The following GRM5 variants were observed in gnomAD, a reference collection of about 807,000 sequenced individuals.
The protein encoded by GRM5 is glutamate metabotropic receptor 5.
Under a neutral mutation model 83.1 loss-of-function variants are expected in GRM5, and 19 were observed. The observed-to-expected ratio is 0.23, with a 90% CI of 0.16 to 0.34. The LOEUF (loss-of-function observed/expected upper bound fraction) is 0.34, where lower values mean the gene tolerates loss of function less well. Ranked by LOEUF, GRM5 falls within the 10% of genes least tolerant of loss-of-function variation. GRM5 has a pLI of 1.00. For missense variants in GRM5, 1,160 were observed against 1,588.3 expected, an observed-to-expected ratio of 0.73 and a Z score of 4.58; for synonymous variants, 675 against 633.6, an observed-to-expected ratio of 1.07 and a Z score of -0.98.
intron 2 of GRM5, among the ~76,000 whole-genome samples, chr11:88,944,092 GA>G (rs1445100442): frequency 1.3e-5 from 2 of 152,002 alleles, no homozygotes; most frequent in Non-Finnish European, 2.9e-5. Context: ...CATCTTGAAG[GA>G]TAAGTTGGTT....
rs112983279 is a variant in GRM5, at chr11:88,987,202, G to T, written c.661+60010C>A. Reference sequence around the variant, plus strand: ...TGAGGCATTGCCTCACTCGGGAAGTGCAAGGGGTCAGGGATTTCCCTTTCC... The same window carrying T: ...TGAGGCATTGCCTCACTCGGGAAGTTCAAGGGGTCAGGGATTTCCCTTTCC... On this transcript the variant is annotated intron_variant, in intron 2 of 9. Transcript: ENST00000305447. Among the ~76,000 whole-genome samples, 362 of 152,234 alleles carry T rather than the reference G, an allele frequency of 2.4e-3. 1 individual carries two copies. Among genetic ancestry groups the T allele is most frequent in the African/African-American group, 7.9e-3 (328 of 41,560 alleles).
intron 8 of GRM5, among the ~76,000 whole-genome samples, chr11:88,549,553 A>G (rs1942458858): frequency 6.6e-6 from 1 of 152,070 alleles, no homozygotes; most frequent in Non-Finnish European, 1.5e-5. Flanking sequence ...TGGGAACTAT[A>G]TGCAGTTTGG....
Position 89,047,457 on chromosome 11 carries a change from G to A in GRM5, c.416C>T (p.Ser139Phe). The change falls in exon 2 of 10, where the codon TCC becomes TTC. Residue 139 changes from serine to phenylalanine, a missense_variant. Physicochemically the swap from Ser to Phe is radical, Grantham distance 155. Coordinates refer to ENST00000305447, the MANE Select transcript of GRM5 (RefSeq NM_001143831.3). The surrounding 1 kb of genome is among the most constrained non-coding windows in gnomAD (Gnocchi z 5.1). ...CVDGSSSSFR[S>F]KKPIVGVIGP... Reference sequence around the variant, plus strand: ...AATGACCCCTACTATGGGCTTCTTGGAGCGGAAGGAAGAGGAGGAGCCATC... The same window carrying A: ...AATGACCCCTACTATGGGCTTCTTGAAGCGGAAGGAAGAGGAGGAGCCATC... 1 of 1,614,170 alleles carries A rather than the reference G, an allele frequency of 6.2e-7. No homozygotes were observed. The highest frequency in any genetic ancestry group is 8.5e-7 in the Non-Finnish European group (1 of 1,180,010).
At chr11:88,974,975 T>C (rs779353506) in intron 2 of GRM5, among the ~76,000 whole-genome samples, 9 of 152,184 alleles carry the variant, frequency 5.9e-5, no homozygotes, top group South Asian at 4.1e-4. Context: ...AGAAAGATAA[T>C]TGAGAAGACT....
intron 2 of GRM5, among the ~76,000 whole-genome samples, chr11:88,929,455 CTATA>C: frequency 6.6e-6 from 1 of 151,906 alleles, no homozygotes; most frequent in East Asian, 1.9e-4. Context: ...TTAAACTATC[CTATA>C]TATATCCAAA....
chr11:88,658,019 AC>A (rs150131947), intron 3 of GRM5, among the ~76,000 whole-genome samples: 1,522 of 152,198 alleles, frequency 0.01, 15 homozygotes, highest in East Asian at 0.065. Flanking sequence ...TCAGACCAGT[AC>A]CTGTCCGTGT....
At chr11:88,928,834 C>A (rs2135642853) in intron 2 of GRM5, among the ~76,000 whole-genome samples, 1 of 150,622 alleles carries the variant, frequency 6.6e-6, no homozygotes, top group East Asian at 2.0e-4. Flanking sequence ...GTTATCAGTG[C>A]AGTAAATGGA....
intron 3 of GRM5, among the ~76,000 whole-genome samples, chr11:88,787,086 C>T (rs1226067224): frequency 6.7e-6 from 1 of 148,846 alleles, no homozygotes; most frequent in Non-Finnish European, 1.5e-5. Flanking sequence ...ATAGAATGAA[C>T]AAAACAAGCA....
At chr11:88,723,586 A>C (rs1396572361) in intron 3 of GRM5, among the ~76,000 whole-genome samples, 2 of 151,998 alleles carry the variant, frequency 1.3e-5, no homozygotes, top group Non-Finnish European at 2.9e-5. Flanking sequence ...AGAGGTCATT[A>C]AGCTACATGA....
chr11:88,920,444 C>T (rs1465562018), intron 2 of GRM5, among the ~76,000 whole-genome samples: 1 of 105,270 alleles, frequency 9.5e-6, no homozygotes, highest in African/African-American at 3.8e-5. Flanking sequence ...AAAAAAAAAA[C>T]CTCAGGGCCC....
Position 88,848,981 on chromosome 11 carries a change from C to T in GRM5, c.911+925G>A, listed in dbSNP as rs550951007. 5.9e-5 allele frequency among the ~76,000 whole-genome samples: 9 copies of T among 152,258 alleles called. No homozygotes were observed. In the South Asian group the frequency reaches 1.9e-3, roughly 32 times the overall value. ...TTCAGTCTTCAGACTTGGACTGAAA[C>T]ATTGGCTCATCTTGAATTGCAAGCC... On this transcript the variant is annotated intron_variant, in intron 3 of 9. Transcript: ENST00000305447.
chr11:88,648,375 T>C (rs1452477255), intron 4 of GRM5, among the ~76,000 whole-genome samples: 5 of 144,400 alleles, frequency 3.5e-5, no homozygotes, highest in Non-Finnish European at 6.1e-5. Context: ...AAATTGGAAA[T>C]CATCATTCTC....
intron 3 of GRM5, among the ~76,000 whole-genome samples, chr11:88,806,555 C>A (rs1812468817): frequency 6.6e-6 from 1 of 152,136 alleles, no homozygotes; most frequent in Non-Finnish European, 1.5e-5. Flanking sequence ...ATATTTTAGG[C>A]AGTTGATCTC....
chr11:88,682,704 T>C (rs997241231), intron 3 of GRM5, among the ~76,000 whole-genome samples: 2 of 152,230 alleles, frequency 1.3e-5, no homozygotes, highest in Non-Finnish European at 2.9e-5. Flanking sequence ...TTTATATTTC[T>C]GTTAATGCAG....
chr11:88,622,232 C>A (rs1049056470), intron 4 of GRM5, among the ~76,000 whole-genome samples: 4 of 152,192 alleles, frequency 2.6e-5, no homozygotes, highest in African/African-American at 9.7e-5. Context: ...CTTATGACCT[C>A]ATGTAGCCCT....
chr11:89,006,380 T>G (rs2135079732), intron 2 of GRM5, among the ~76,000 whole-genome samples: 1 of 152,270 alleles, frequency 6.6e-6, no homozygotes, highest in South Asian at 2.1e-4. Context: ...GAGCTGACAG[T>G]CTTCCTTTCT....
intron 3 of GRM5, among the ~76,000 whole-genome samples, chr11:88,811,953 G>C (rs1467318581): frequency 1.3e-5 from 2 of 152,018 alleles, no homozygotes; most frequent in South Asian, 4.1e-4. Flanking sequence ...CAGCGTAGAG[G>C]GTAGAATTAG....
At chr11:88,814,073 G>A (rs896549842) in intron 3 of GRM5, among the ~76,000 whole-genome samples, 7 of 152,080 alleles carry the variant, frequency 4.6e-5, no homozygotes, top group African/African-American at 1.4e-4. Flanking sequence ...TGACCATAAT[G>A]TTTTAACAGA....
At chr11:88,815,329 G>A (rs542275894) in intron 3 of GRM5, among the ~76,000 whole-genome samples, 10 of 152,144 alleles carry the variant, frequency 6.6e-5, no homozygotes, top group Non-Finnish European at 1.3e-4. Context: ...AATAACTCAT[G>A]TGTCAAGGAC....
Sources: gnomAD v4.1 joint callset for allele counts (sites outside exome capture counted in the v4.1 genomes callset) on GRCh38, gnomAD v4.1.1 for gene constraint, Gnocchi (gnomAD v3.1) non-coding constraint, MANE v1.5 for transcripts, NCBI Gene and HGNC (gene_info 2026-07-23, HGNC 2026-07-21) for gene names.